Variants in ZMYND8 observed in about 807,000 individuals in gnomAD.
The protein encoded by ZMYND8 is zinc finger MYND-type containing 8, also known as MYND-type zinc finger-containing chromatin reader ZMYND8.
In ZMYND8, 37 loss-of-function variants were observed where a neutral mutation model predicts 140.8. The ratio of observed to expected loss-of-function variants is 0.26; its 90% CI spans 0.20 to 0.35. The LOEUF (loss-of-function observed/expected upper bound fraction) is 0.35, where lower values mean the gene tolerates loss of function less well. Among genes scored for constraint, ZMYND8 ranks in the 10% least tolerant of loss-of-function variants. The probability of loss-of-function intolerance (pLI) is 1.00; values close to 1 mark genes in which losing one functional copy is unlikely to be tolerated. For missense variants in ZMYND8, 1,068 were observed against 1,570.0 expected, an observed-to-expected ratio of 0.68 and a Z score of 5.40; for synonymous variants, 592 against 597.1, an observed-to-expected ratio of 0.99 and a Z score of 0.12.
At position 47,355,912 on chromosome 20, in the gene ZMYND8, G is replaced by A. The variant is rs1320176763; in HGVS notation, c.14+745C>T. Among the ~76,000 whole-genome samples the A allele has an allele frequency of 2.0e-5, 3 of 148,772 alleles. No individual in the cohort carries two copies. In the Admixed American group the frequency reaches 2.1e-4, roughly 10 times the overall value. On this transcript the variant is annotated intron_variant, in intron 1 of 22. Coordinates refer to ENST00000471951, the MANE Select transcript of ZMYND8 (RefSeq NM_001281775.3). ...GAAAACACTTTCAGAAACATTTGCT[G>A]GCTGTAGGCTGGCTTGCAGAACACT...
Position 47,220,336 on chromosome 20 carries a change from AAAAG to A in ZMYND8, c.3418-16_3418-13del. The A allele has an allele frequency of 6.4e-7, 1 of 1,552,220 alleles. No homozygotes were observed. The highest frequency in any genetic ancestry group is 8.7e-7 in the Non-Finnish European group (1 of 1,146,644). On this transcript the variant is annotated splice_polypyrimidine_tract_variant and intron_variant, in intron 20 of 22. Coordinates refer to ENST00000471951, the MANE Select transcript of ZMYND8 (RefSeq NM_001281775.3). The stretch of plus-strand genomic sequence containing the variant: ...GAAAGGTCAAGGGTCTAGAAATACA[AAAAG>A]AAAAAGATGGACTCAAGGCACTGAG...
chr20:47,270,698 A>G lies in ZMYND8; in HGVS notation c.1480+5616T>C, dbSNP rs1489754304. ...CAACATAGTGAGGACCCTGTCTCTGAAAAAAAAAAAAAAAAAAAAAAGAAA... is the reference window on the plus strand; with the variant it reads ...CAACATAGTGAGGACCCTGTCTCTGGAAAAAAAAAAAAAAAAAAAAAGAAA... On this transcript the variant is annotated intron_variant, in intron 11 of 22. Transcript: ENST00000471951. 7.8e-4 allele frequency among the ~76,000 whole-genome samples: 17 copies of G among 21,724 alleles called. No individual in the cohort carries two copies. In the East Asian group the frequency reaches 9.3e-3, roughly 12 times the overall value. 14.3% of individuals were successfully genotyped at this position (21,724 alleles called of 152,430 possible). A position where few individuals can be genotyped will look rare whatever the true frequency, so the allele number is the denominator to read the frequency against.
intron 8 of ZMYND8, among the ~76,000 whole-genome samples, chr20:47,286,550 A>C (rs559883375): frequency 6.6e-6 from 1 of 152,318 alleles, no homozygotes; most frequent in Non-Finnish European, 1.5e-5. Flanking sequence ...ATCCATATAT[A>C]AAAAGACATG....
intron 5 of ZMYND8, among the ~76,000 whole-genome samples, chr20:47,293,150 G>A (rs1379749071): frequency 3.0e-4 from 19 of 62,300 alleles, no homozygotes; most frequent in Non-Finnish European, 4.3e-4. Flanking sequence ...AAGGAAGGAA[G>A]GGAGGGAGGG....
At chr20:47,255,582 GTGTGTGTGTGTGTA>G (rs1569006443) in intron 12 of ZMYND8, among the ~76,000 whole-genome samples, 1 of 58,064 alleles carries the variant, frequency 1.7e-5, no homozygotes, top group African/African-American at 7.5e-5. Context: ...GTGTGTGTGT[GTGTGTGTGTGTGTA>G]TATATATATA....
intron 4 of ZMYND8, among the ~76,000 whole-genome samples, chr20:47,297,933 C>G (rs2148050684): frequency 1.3e-5 from 2 of 152,274 alleles, no homozygotes; most frequent in Middle Eastern, 6.8e-3. Context: ...CCGACTACGC[C>G]CATGCACTGC....
At chr20:47,276,910 T>TTA in intron 10 of ZMYND8, 115 bp from the exon 11 acceptor site, 2 of 514,872 alleles carry the variant, frequency 3.9e-6, no homozygotes, top group Non-Finnish European at 5.4e-6. Context: ...CTTATTCTAT[T>TTA]AAAAAAAAAA....
intron 11 of ZMYND8, among the ~76,000 whole-genome samples, chr20:47,272,653 CAA>C: frequency 6.6e-6 from 1 of 152,290 alleles, no homozygotes; most frequent in East Asian, 1.9e-4. Context: ...TCTGGCTGAG[CAA>C]AGTGCTTCTT....
rs532481114 is a variant in ZMYND8 at position 47,262,143 on chromosome 20, T to G, written c.1621+145A>C. ...TTACTTATTCTTTTCACAGATCTTTTCTCACCTTCATCCTCTGAAACTTTT... is the reference window on the plus strand; with the variant it reads ...TTACTTATTCTTTTCACAGATCTTTGCTCACCTTCATCCTCTGAAACTTTT... On this transcript the variant is annotated intron_variant, in intron 12 of 22. Coordinates refer to ENST00000471951, the MANE Select transcript of ZMYND8 (RefSeq NM_001281775.3). 4.3e-6 allele frequency: 5 copies of G among 1,153,442 alleles called. No homozygotes were observed. In the East Asian group the frequency reaches 1.2e-4, roughly 27 times the overall value. The allele number at this position is 1,153,442 out of a possible 1,614,324, so 71.5% of individuals were successfully genotyped here. A position where few individuals can be genotyped will look rare whatever the true frequency, so the allele number is the denominator to read the frequency against.
At chr20:47,347,545 C>T (rs1448501608) in intron 2 of ZMYND8, among the ~76,000 whole-genome samples, 1 of 152,168 alleles carries the variant, frequency 6.6e-6, no homozygotes, top group Non-Finnish European at 1.5e-5. Flanking sequence ...CTGGTGGCTT[C>T]CAGAACATGC....
chr20:47,227,366 G>T (rs1184369896), intron 17 of ZMYND8, 85 bp from the exon 18 acceptor site: 2 of 1,303,814 alleles, frequency 1.5e-6, no homozygotes, highest in East Asian at 4.6e-5. Context: ...GGCTGGCTGT[G>T]AGGGGTATGG....
chr20:47,292,174 C>T (rs961659456), intron 5 of ZMYND8, among the ~76,000 whole-genome samples: 14 of 152,176 alleles, frequency 9.2e-5, no homozygotes, highest in Non-Finnish European at 1.3e-4. Context: ...AATTACAATA[C>T]GCACTGTAAG....
intron 15 of ZMYND8, chr20:47,237,975 T>C (rs1166915913): frequency 6.6e-6 from 1 of 152,262 alleles, no homozygotes; most frequent in African/African-American, 2.4e-5. Flanking sequence ...GCTCATCTTG[T>C]GTGTGTGACG....
At chr20:47,219,141 T>G (rs2036571665) in intron 21 of ZMYND8, among the ~76,000 whole-genome samples, 1 of 141,836 alleles carries the variant, frequency 7.1e-6, no homozygotes, top group Admixed American at 7.4e-5. Context: ...CACTGCAACC[T>G]CCACCTCCTG....
chr20:47,286,760 A>T (rs780337168), intron 8 of ZMYND8, among the ~76,000 whole-genome samples: 3 of 152,180 alleles, frequency 2.0e-5, no homozygotes, highest in African/African-American at 7.2e-5. Context: ...GGTCTGTTCC[A>T]TCCACGCCAT....
At chr20:47,230,987 G>A (rs2038402626) in intron 16 of ZMYND8, among the ~76,000 whole-genome samples, 1 of 151,818 alleles carries the variant, frequency 6.6e-6, no homozygotes, top group African/African-American at 2.4e-5. Context: ...GCAGCAGGCA[G>A]CGGAACTTCA....
intron 9 of ZMYND8, among the ~76,000 whole-genome samples, chr20:47,282,807 C>T (rs2076692988): frequency 6.6e-6 from 1 of 151,960 alleles, no homozygotes; most frequent in Non-Finnish European, 1.5e-5. Flanking sequence ...CAGGCACGAG[C>T]AAGACATTTC....
At chr20:47,274,380 G>A (rs1480299531) in intron 11 of ZMYND8, among the ~76,000 whole-genome samples, 1 of 152,138 alleles carries the variant, frequency 6.6e-6, no homozygotes, top group African/African-American at 2.4e-5. Flanking sequence ...AATAAAATAC[G>A]GCAGAAAACC....
intron 4 of ZMYND8, among the ~76,000 whole-genome samples, chr20:47,295,655 A>G (rs2077589421): frequency 6.6e-6 from 1 of 152,214 alleles, no homozygotes; most frequent in Admixed American, 6.5e-5. Context: ...AACCCACCTA[A>G]GGCACTGTGT....
Sources: gnomAD v4.1 joint callset for allele counts (sites outside exome capture counted in the v4.1 genomes callset) on GRCh38, gnomAD v4.1.1 for gene constraint, MANE v1.5 for transcripts, NCBI Gene and HGNC (gene_info 2026-07-23, HGNC 2026-07-21) for gene names.